The following BRD10 variants were observed in gnomAD, a reference collection of about 807,000 sequenced individuals.
BRD10 encodes uncharacterized bromodomain-containing protein 10.
chr9:5,964,929 A>G, the BRD10 span, among the ~76,000 whole-genome samples: 1 of 128,680 alleles, frequency 7.8e-6, no homozygotes, highest in African/African-American at 2.9e-5. Context: ...GGGGGGAGGG[A>G]GAGCATTGGG....
At chr9:5,915,338 T>C in the BRD10 span, among the ~76,000 whole-genome samples, 2 of 152,222 alleles carry the variant, frequency 1.3e-5, no homozygotes, top group Non-Finnish European at 2.9e-5. Context: ...GTATTTACTA[T>C]GTGGTAGGCA....
At chr9:5,920,065 G>A in the BRD10 span, 2 of 1,613,914 alleles carry the variant, frequency 1.2e-6, no homozygotes, top group Non-Finnish European at 8.5e-7. Flanking sequence ...TATGTACTGT[G>A]GGTATAGAAC....
At chr9:5,973,341 C>T in the BRD10 span, among the ~76,000 whole-genome samples, 11 of 152,208 alleles carry the variant, frequency 7.2e-5, no homozygotes, top group Non-Finnish European at 1.0e-4. Flanking sequence ...GTGGTACACG[C>T]CTGCAATCTC....
At chr9:5,968,999 T>C in the BRD10 span, 2 of 1,609,974 alleles carry the variant, frequency 1.2e-6, no homozygotes, top group Non-Finnish European at 8.5e-7. Flanking sequence ...TTCCAATGGA[T>C]TAACTTCTCC....
chr9:5,982,301 G>C, the BRD10 span, among the ~76,000 whole-genome samples: 4 of 152,244 alleles, frequency 2.6e-5, no homozygotes, highest in African/African-American at 9.6e-5. Context: ...GTGCAGGACT[G>C]TGATCACCAA....
At chr9:5,988,544 G>T in the BRD10 span, 2 of 1,610,670 alleles carry the variant, frequency 1.2e-6, no homozygotes, top group South Asian at 1.1e-5. Context: ...TCTCTCAAGT[G>T]CCTTGGAGAA....
the BRD10 span, among the ~76,000 whole-genome samples, chr9:5,966,642 T>C: frequency 6.6e-6 from 1 of 151,856 alleles, no homozygotes; most frequent in East Asian, 1.9e-4. Flanking sequence ...GTATTTCTAT[T>C]AGAGACAGGG....
chr9:6,006,371 C>T, the BRD10 span, among the ~76,000 whole-genome samples: 1 of 152,178 alleles, frequency 6.6e-6, no homozygotes, highest in Admixed American at 6.5e-5. Flanking sequence ...ACTTCAACTA[C>T]CAATACCAAA....
chr9:5,993,106 A>G, the BRD10 span, among the ~76,000 whole-genome samples: 1 of 152,116 alleles, frequency 6.6e-6, no homozygotes, highest in Non-Finnish European at 1.5e-5. Context: ...AAATGAGGTC[A>G]GGAGTTTGAG....
chr9:5,902,469 CT>C, the BRD10 span, among the ~76,000 whole-genome samples: 1,033 of 146,132 alleles, frequency 7.1e-3, 12 homozygotes, highest in African/African-American at 0.025. Flanking sequence ...TCTTTCTTTC[CT>C]TTTTTTTTTC....
chr9:5,919,648 C>T, the BRD10 span: 1 of 1,542,148 alleles, frequency 6.5e-7, no homozygotes, highest in Non-Finnish European at 8.7e-7. Flanking sequence ...CAAAACAATG[C>T]CCCATTATTT....
chr9:5,924,778 G>A, the BRD10 span: 3 of 1,601,014 alleles, frequency 1.9e-6, no homozygotes, highest in East Asian at 4.5e-5. Flanking sequence ...GTGGTCCATA[G>A]TTCTCTATTA....
At chr9:5,940,017 A>C in the BRD10 span, among the ~76,000 whole-genome samples, 1 of 152,208 alleles carries the variant, frequency 6.6e-6, no homozygotes, top group East Asian at 1.9e-4. Context: ...CAGTCTAGCT[A>C]ATGTACACCC....
chr9:5,946,974 G>T, the BRD10 span, among the ~76,000 whole-genome samples: 1 of 147,342 alleles, frequency 6.8e-6, no homozygotes, highest in Admixed American at 6.8e-5. Context: ...AAACTTACAG[G>T]AACAATGAAG....
At chr9:5,969,585 C>T in the BRD10 span, 1 of 630,042 alleles carries the variant, frequency 1.6e-6, no homozygotes, top group Non-Finnish European at 2.6e-6. Flanking sequence ...GCTCTGTCCC[C>T]CAGGCTGTAG....
the BRD10 span, among the ~76,000 whole-genome samples, chr9:5,914,661 G>T: frequency 2.6e-5 from 4 of 151,936 alleles, no homozygotes; most frequent in Non-Finnish European, 5.9e-5. Flanking sequence ...CTGACCTCGT[G>T]ATCTGCCCGC....
chr9:5,917,725 C>G, the BRD10 span, among the ~76,000 whole-genome samples: 3 of 152,296 alleles, frequency 2.0e-5, no homozygotes, highest in African/African-American at 7.2e-5. Flanking sequence ...TGGTGGTGCA[C>G]ACCTGTAATC....
chr9:5,980,029 G>GA, the BRD10 span, among the ~76,000 whole-genome samples: 37 of 119,908 alleles, frequency 3.1e-4, no homozygotes, highest in Admixed American at 1.2e-3. Context: ...AAAAAAAAAA[G>GA]AAAAAAAAAA....
At chr9:5,887,252 G>T in the BRD10 span, among the ~76,000 whole-genome samples, 1 of 152,038 alleles carries the variant, frequency 6.6e-6, no homozygotes, top group Non-Finnish European at 1.5e-5. Context: ...GAACAAGACT[G>T]TCCCCCAACC....
Sources: gnomAD v4.1 joint callset for allele counts (sites outside exome capture counted in the v4.1 genomes callset) on GRCh38, gnomAD v4.1.1 for gene constraint, MANE v1.5 for transcripts, NCBI Gene and HGNC (gene_info 2026-07-23, HGNC 2026-07-21) for gene names.